CELF5: variants seen among roughly 807,000 people sequenced by gnomAD.
CELF5 encodes the protein CUGBP Elav-like family member 5.
In CELF5, 6 loss-of-function variants were observed where a neutral mutation model predicts 54.9. The observed-to-expected ratio is 0.11, with a 90% CI of 0.06 to 0.22. The LOEUF (loss-of-function observed/expected upper bound fraction) is 0.22, where lower values mean the gene tolerates loss of function less well. Among genes scored for constraint, CELF5 ranks in the 10% least tolerant of loss-of-function variants. The probability of loss-of-function intolerance (pLI) is 1.00; values close to 1 mark genes in which losing one functional copy is unlikely to be tolerated. For missense variants in CELF5, 401 were observed against 678.6 expected, an observed-to-expected ratio of 0.59 and a Z score of 4.54; for synonymous variants, 271 against 290.9, an observed-to-expected ratio of 0.93 and a Z score of 0.70.
rs1402482925 is a variant in CELF5 at position 3,296,911 on chromosome 19, CAAA to C, written c.*195_*197del. 1.4e-5 allele frequency: 2 copies of C among 143,042 alleles called. No homozygotes were observed. The highest frequency in any genetic ancestry group is 7.3e-5 in the Admixed American group (1 of 13,702). The allele number at this position is 143,042 out of a possible 1,614,324, so 8.9% of individuals were successfully genotyped here. Reference sequence around the variant, plus strand: ...GGTTGACTCGGTTTGAGTTTTGTGTCAAAGAAGATTTCCCGCGGCTGAAGAGGT... The same window carrying C: ...GGTTGACTCGGTTTGAGTTTTGTGTCGAAGATTTCCCGCGGCTGAAGAGGT... On this transcript the variant is annotated 3_prime_UTR_variant, in exon 13 of 13. Transcript: ENST00000292672.
intron 8 of CELF5, among the ~76,000 whole-genome samples, chr19:3,284,150 T>C (rs2080195941): frequency 6.6e-6 from 1 of 151,864 alleles, no homozygotes; most frequent in Non-Finnish European, 1.5e-5. Flanking sequence ...ACCCAGCTGA[T>C]TTCACGAGTT....
At chr19:3,274,214 C>G (rs1041971732) in intron 3 of CELF5, among the ~76,000 whole-genome samples, 4 of 152,128 alleles carry the variant, frequency 2.6e-5, no homozygotes, top group African/African-American at 9.7e-5. Context: ...ATACTCCACT[C>G]CCTTCAGGGT....
chr19:3,225,010 G>T lies in CELF5; in HGVS notation c.259+12G>T, dbSNP rs1555715362. 19 of 1,494,592 alleles carry T rather than the reference G, an allele frequency of 1.3e-5. No individual in the cohort carries two copies. In the South Asian group the frequency reaches 2.1e-4, roughly 17 times the overall value. The allele number at this position is 1,494,592 out of a possible 1,614,324, so 92.6% of individuals were successfully genotyped here. On this transcript the variant is annotated intron_variant, in intron 1 of 12. Coordinates refer to ENST00000292672, the MANE Select transcript of CELF5 (RefSeq NM_021938.4). ...GGGGATGCACAAAGGTGGGCGCCCG[G>T]CCCCCTCCCCCCTCTCCCCCTCCCT...
intron 12 of CELF5, chr19:3,296,349 A>AC (rs1169289324): frequency 1.3e-5 from 2 of 148,994 alleles, no homozygotes; most frequent in East Asian, 2.0e-4. Flanking sequence ...AAAAAAAAAA[A>AC]AAAAAACCAA....
intron 2 of CELF5, among the ~76,000 whole-genome samples, chr19:3,267,835 C>T (rs371788291): frequency 6.6e-6 from 1 of 152,072 alleles, no homozygotes; most frequent in East Asian, 1.9e-4. Context: ...CTGGCAGGAC[C>T]CCTACCTCCC....
intron 2 of CELF5, among the ~76,000 whole-genome samples, chr19:3,262,085 C>T (rs1007093219): frequency 8.5e-5 from 13 of 152,148 alleles, no homozygotes; most frequent in Middle Eastern, 3.4e-3. Context: ...CCCAGGCTGG[C>T]GTGCAGTGGC....
chr19:3,256,486 C>T (rs10421936), intron 2 of CELF5, among the ~76,000 whole-genome samples: 29,462 of 151,738 alleles, frequency 0.19, 3,284 homozygotes, highest in East Asian at 0.53. Context: ...AACATTGAGA[C>T]AAGAAATGGG....
chr19:3,281,969 G>A lies in CELF5; in HGVS notation c.751-157G>A, dbSNP rs1218132947. 1.3e-5 allele frequency among the ~76,000 whole-genome samples: 2 copies of A among 152,120 alleles called. No homozygotes were observed. Among genetic ancestry groups the A allele is most frequent in the East Asian group, 3.8e-4 (2 of 5,198 alleles). On this transcript the variant is annotated intron_variant, in intron 6 of 12. Coordinates refer to ENST00000292672, the MANE Select transcript of CELF5 (RefSeq NM_021938.4). This position sits in a 1 kb window ranked among gnomAD's most constrained non-coding sequence, Gnocchi z 6.5. ...CCGAACCGATCTCTGCTCCCAGGCT[G>A]AGCCTTGATCCCAGTCTGAGCTCCA...
intron 1 of CELF5, among the ~76,000 whole-genome samples, chr19:3,241,510 G>A (rs1176208131): frequency 6.6e-6 from 1 of 151,928 alleles, no homozygotes; most frequent in Non-Finnish European, 1.5e-5. Context: ...GGCTCTCCAG[G>A]TGTGCAGCAA....
chr19:3,272,516 T>A (rs1451428763), intron 2 of CELF5, among the ~76,000 whole-genome samples: 1 of 152,234 alleles, frequency 6.6e-6, no homozygotes, highest in Non-Finnish European at 1.5e-5. Flanking sequence ...ATTTCAAGTT[T>A]GTCTGACTTG....
At position 3,281,115 on chromosome 19, in the gene CELF5, C is replaced by A; in HGVS notation, c.604-84C>A. 2 of 1,494,386 alleles carry A rather than the reference C, an allele frequency of 1.3e-6. No homozygotes were observed. The highest frequency in any genetic ancestry group is 1.8e-6 in the Non-Finnish European group (2 of 1,097,770). 92.6% of individuals were successfully genotyped at this position (1,494,386 alleles called of 1,614,324 possible). ...GGCATTACACCCCTCACCCAGGAGG[C>A]CTGAGCTAACATGAATCCAGGGACC... On this transcript the variant is annotated intron_variant, in intron 5 of 12. Transcript: ENST00000292672. The surrounding 1 kb of genome is among the most constrained non-coding windows in gnomAD (Gnocchi z 6.5).
Position 3,273,441 on chromosome 19 carries a change from G to A in CELF5, c.343-431G>A, listed in dbSNP as rs538065222. 9.9e-5 allele frequency among the ~76,000 whole-genome samples: 15 copies of A among 152,150 alleles called. No homozygotes were observed. In the South Asian group the frequency reaches 1.9e-3, roughly 19 times the overall value. On this transcript the variant is annotated intron_variant, in intron 2 of 12. Transcript: ENST00000292672. ...GAGTTCCAAGAGTGGAAGCCACAAG[G>A]TCTCTTGAGGCTTAGGCTCAGAACT...
chr19:3,268,189 C>T lies in CELF5; in HGVS notation c.343-5683C>T, dbSNP rs1327575724. Among the ~76,000 whole-genome samples, 1 of 151,738 alleles carries T rather than the reference C, an allele frequency of 6.6e-6. No individual in the cohort carries two copies. Among genetic ancestry groups the T allele is most frequent in the Non-Finnish European group, 1.5e-5 (1 of 67,940 alleles). On this transcript the variant is annotated intron_variant, in intron 2 of 12. Coordinates refer to ENST00000292672, the MANE Select transcript of CELF5 (RefSeq NM_021938.4). This position sits in a 1 kb window ranked among gnomAD's most constrained non-coding sequence, Gnocchi z 4.4. ...ACTTTTTGTATTTTTAGTAGAGATG[C>T]GGTTTTACCGTGTTGGCCAGGCTGG...
chr19:3,291,849 C>T (rs1411368250), intron 11 of CELF5, among the ~76,000 whole-genome samples: 2 of 152,082 alleles, frequency 1.3e-5, no homozygotes, highest in East Asian at 3.9e-4. Flanking sequence ...AGACAGAGGA[C>T]ATTAAGGCTC....
At chr19:3,256,064 C>CAGAAAAAAAAAAAAAAAAAAAAAA (rs372488135) in intron 2 of CELF5, among the ~76,000 whole-genome samples, 2 of 139,552 alleles carry the variant, frequency 1.4e-5, no homozygotes, top group Non-Finnish European at 1.5e-5. Context: ...GACCCTGTCT[C>CAGAAAAAAAAAAAAAAAAAAAAAA]AAAAAAAAAG....
intron 9 of CELF5, among the ~76,000 whole-genome samples, chr19:3,285,201 A>C (rs7260643): frequency 0.55 from 82,962 of 151,812 alleles, 23,966 homozygotes; most frequent in Middle Eastern, 0.69. Context: ...TTGTCCTTTA[A>C]GGACAGCGCT....
chr19:3,245,561 G>T (rs944561357), intron 1 of CELF5, among the ~76,000 whole-genome samples: 5 of 147,058 alleles, frequency 3.4e-5, no homozygotes, highest in Non-Finnish European at 7.4e-5. Context: ...CAGACAAGGA[G>T]TCCACAGGCA....
At position 3,291,932 on chromosome 19, in the gene CELF5, C is replaced by CT. The variant is rs11350773; in HGVS notation, c.1331-1378dup. Among the ~76,000 whole-genome samples, 7 of 151,582 alleles carry CT rather than the reference C, an allele frequency of 4.6e-5. No individual in the cohort carries two copies. In the South Asian group the frequency reaches 6.3e-4, roughly 14 times the overall value. ...GAAGAACCTGGAGTAGAACCAGACT[C>CT]TTTTTTTTTGTTTTGTTTTTTGGCT... On this transcript the variant is annotated intron_variant, in intron 11 of 12. Transcript: ENST00000292672.
intron 1 of CELF5, among the ~76,000 whole-genome samples, chr19:3,250,419 G>C (rs1209858561): frequency 6.6e-6 from 1 of 152,182 alleles, no homozygotes; most frequent in Non-Finnish European, 1.5e-5. Flanking sequence ...AACCCGGGAG[G>C]CAGAGCTTGC....
Sources: gnomAD v4.1 joint callset for allele counts (sites outside exome capture counted in the v4.1 genomes callset) on GRCh38, gnomAD v4.1.1 for gene constraint, Gnocchi (gnomAD v3.1) non-coding constraint, MANE v1.5 for transcripts, NCBI Gene and HGNC (gene_info 2026-07-23, HGNC 2026-07-21) for gene names.